The following ALOX5 variants were observed in gnomAD, a reference collection of about 807,000 sequenced individuals.
ALOX5 encodes the protein polyunsaturated fatty acid 5-lipoxygenase.
ALOX5 carries 64 observed loss-of-function variants against 87.9 expected under a neutral mutation model. The observed-to-expected ratio is 0.73, with a 90% CI of 0.60 to 0.90. The LOEUF (loss-of-function observed/expected upper bound fraction) is 0.90. Ranked by LOEUF, ALOX5 falls within the 40% of genes least tolerant of loss-of-function variation. The probability of loss-of-function intolerance (pLI) is 0.00; values close to 1 mark genes in which losing one functional copy is unlikely to be tolerated. For synonymous variants in ALOX5, 388 were observed against 355.1 expected, an observed-to-expected ratio of 1.09 and a Z score of -1.04; for missense variants, 822 against 907.5, an observed-to-expected ratio of 0.91 and a Z score of 1.21.
At chr10:45,445,414 C>A in intron 13 of ALOX5, 94 bp from the exon 14 acceptor site, 1 of 1,459,926 alleles carries the variant, frequency 6.8e-7, no homozygotes, top group Non-Finnish European at 9.3e-7. Flanking sequence ...CCTTCATCTC[C>A]CAAACGGTGG....
intron 4 of ALOX5, among the ~76,000 whole-genome samples, chr10:45,423,005 A>G (rs1841559079): frequency 6.6e-6 from 1 of 152,222 alleles, no homozygotes; most frequent in Non-Finnish European, 1.5e-5. Context: ...TGCTAATCCC[A>G]TCACGGGTAC....
chr10:45,427,008 C>T (rs1049258809), intron 6 of ALOX5, among the ~76,000 whole-genome samples: 2 of 152,224 alleles, frequency 1.3e-5, no homozygotes, highest in Non-Finnish European at 2.9e-5. Flanking sequence ...GAATGGAATA[C>T]ACTGACCTAG....
Position 45,432,360 on chromosome 10 carries a change from TAAAA to T in ALOX5, c.981+3610_981+3613del, listed in dbSNP as rs35877893. 4.0e-4 allele frequency among the ~76,000 whole-genome samples: 53 copies of T among 132,988 alleles called. 1 individual carries two copies. The highest frequency in any genetic ancestry group is 1.1e-4 in the Non-Finnish European group (7 of 61,410). 87.2% of individuals were successfully genotyped at this position (132,988 alleles called of 152,430 possible). A position where few individuals can be genotyped will look rare whatever the true frequency, so the allele number is the denominator to read the frequency against. Reference sequence around the variant, plus strand: ...GGGCAACAGAGTAAGACCCTATCTTTAAAAAAAAAAAAAAAAAGTAAAAGAAAAC... The same window carrying T: ...GGGCAACAGAGTAAGACCCTATCTTTAAAAAAAAAAAAAGTAAAAGAAAAC... On this transcript the variant is annotated intron_variant, in intron 7 of 13. Transcript: ENST00000374391.
intron 7 of ALOX5, among the ~76,000 whole-genome samples, chr10:45,434,391 C>G (rs1021282699): frequency 2.6e-5 from 4 of 152,182 alleles, no homozygotes; most frequent in African/African-American, 9.7e-5. Flanking sequence ...GCAACAGGAG[C>G]ATAGTTTGTG....
At chr10:45,399,431 A>G (rs1050112002) in intron 3 of ALOX5, among the ~76,000 whole-genome samples, 1 of 152,254 alleles carries the variant, frequency 6.6e-6, no homozygotes, top group Non-Finnish European at 1.5e-5. Flanking sequence ...CTTTAAATGG[A>G]TAAATTTTAC....
intron 7 of ALOX5, among the ~76,000 whole-genome samples, chr10:45,440,123 C>T (rs1278525271): frequency 3.9e-5 from 6 of 152,294 alleles, no homozygotes; most frequent in African/African-American, 7.2e-5. Flanking sequence ...TCGGCCTGCC[C>T]GCTCCTTCCA....
chr10:45,387,072 G>A (rs1840033382), intron 2 of ALOX5, among the ~76,000 whole-genome samples: 1 of 152,186 alleles, frequency 6.6e-6, no homozygotes, highest in African/African-American at 2.4e-5. Flanking sequence ...GCGCCGTGTG[G>A]AGGGCTTTCC....
At chr10:45,412,493 G>A (rs1310923527) in intron 4 of ALOX5, among the ~76,000 whole-genome samples, 180 bp downstream of exon 4, 5 of 152,128 alleles carry the variant, frequency 3.3e-5, no homozygotes, top group East Asian at 1.9e-4. Flanking sequence ...CAGGACAACC[G>A]GTATCTTAAA....
At chr10:45,390,565 A>G (rs1840181173) in intron 2 of ALOX5, among the ~76,000 whole-genome samples, 1 of 152,256 alleles carries the variant, frequency 6.6e-6, no homozygotes, top group Non-Finnish European at 1.5e-5. Context: ...CTACATGGAC[A>G]CTGAACAACC....
intron 9 of ALOX5, 107 bp from the exon 10 acceptor site, chr10:45,442,931 C>A: frequency 8.1e-7 from 1 of 1,231,036 alleles, no homozygotes; most frequent in Non-Finnish European, 1.1e-6. Flanking sequence ...GGGCTTGCAC[C>A]TCTGCCTGCC....
intron 3 of ALOX5, among the ~76,000 whole-genome samples, chr10:45,396,277 C>T (rs1328632339): frequency 6.6e-6 from 1 of 152,134 alleles, no homozygotes; most frequent in East Asian, 1.9e-4. Flanking sequence ...AAAAGTGATA[C>T]ATGATCAGCA....
intron 7 of ALOX5, among the ~76,000 whole-genome samples, chr10:45,434,455 G>A (rs964892177): frequency 6.6e-6 from 1 of 152,234 alleles, no homozygotes; most frequent in Non-Finnish European, 1.5e-5. Context: ...GAGTGAGTGA[G>A]CCCTTCCATG....
In ALOX5 at chr10:45,444,184, C is replaced by A; in HGVS notation, c.1743C>A (p.Gly581=). 1 of 1,557,152 alleles carries A rather than the reference C, an allele frequency of 6.4e-7. No individual in the cohort carries two copies. Among genetic ancestry groups the A allele is most frequent in the Non-Finnish European group, 8.7e-7 (1 of 1,150,482 alleles). Residue 581 remains glycine, a synonymous_variant, in exon 13 of 14, where the codon GGC becomes GGA. Coordinates refer to ENST00000374391, the MANE Select transcript of ALOX5 (RefSeq NM_000698.5). ...GAGCCCCGCCACCGACTGCCAAGGGCGTGGTGACCATTGAGCAGATCGTGG... is the reference window on the plus strand; with the variant it reads ...GAGCCCCGCCACCGACTGCCAAGGGAGTGGTGACCATTGAGCAGATCGTGG... ...TMRAPPPTAK[G]VVTIEQIVDT... is the part of the protein sequence containing the mutation.
chr10:45,411,618 G>C lies in ALOX5; in HGVS notation c.432-573G>C, dbSNP rs1344506146. 2.6e-5 allele frequency among the ~76,000 whole-genome samples: 4 copies of C among 152,278 alleles called. No homozygotes were observed. The East Asian group carries it at 7.7e-4, about 29-fold the overall frequency. On this transcript the variant is annotated intron_variant, in intron 3 of 13. Transcript: ENST00000374391. ...GTAATAATCTCTAAAGCTGCTATTG[G>C]CCAGCAGGTGAGAGAGGGAAGCCTT... is the stretch of plus-strand genomic sequence containing the variant.
At chr10:45,424,785 G>A (rs1329912174) in intron 5 of ALOX5, among the ~76,000 whole-genome samples, 175 bp from the exon 6 acceptor site, 1 of 152,204 alleles carries the variant, frequency 6.6e-6, no homozygotes, top group African/African-American at 2.4e-5. Flanking sequence ...ATGAGTTGGT[G>A]CCACAGCCTG....
chr10:45,391,829 A>ATG (rs1840279963), intron 2 of ALOX5, among the ~76,000 whole-genome samples: 3 of 146,642 alleles, frequency 2.0e-5, no homozygotes, highest in Admixed American at 2.0e-4. Flanking sequence ...CAGCCGCCCC[A>ATG]TCTGAGAAGT....
At chr10:45,433,858 C>A (rs1841985199) in intron 7 of ALOX5, among the ~76,000 whole-genome samples, 1 of 152,224 alleles carries the variant, frequency 6.6e-6, no homozygotes, top group Non-Finnish European at 1.5e-5. Flanking sequence ...GTTCAGTCCT[C>A]AGTTCCGTCT....
At chr10:45,382,808 C>T (rs1839888883) in intron 2 of ALOX5, 127 bp downstream of exon 2, 2 of 1,153,034 alleles carry the variant, frequency 1.7e-6, no homozygotes, top group Non-Finnish European at 2.4e-6. Flanking sequence ...AGGGCTCTGC[C>T]CTGTGCCTCG....
Position 45,440,579 on chromosome 10 carries a change from G to A in ALOX5, c.1131G>A (p.Glu377=). 1.9e-6 allele frequency: 3 copies of A among 1,614,194 alleles called. No individual in the cohort carries two copies. The highest frequency in any genetic ancestry group is 1.6e-4 in the Middle Eastern group (1 of 6,062). Residue 377 remains glutamate, a synonymous_variant, in exon 8 of 14, where the codon GAG becomes GAA. Transcript: ENST00000374391. ...THLLRTHLVS[E]VFGIAMYRQL... ...TTCTGCGAACACATCTGGTGTCTGA[G>A]GTTTTTGGCATTGCAATGTACCGCC...
Sources: gnomAD v4.1 joint callset for allele counts (sites outside exome capture counted in the v4.1 genomes callset) on GRCh38, gnomAD v4.1.1 for gene constraint, MANE v1.5 for transcripts, NCBI Gene and HGNC (gene_info 2026-07-23, HGNC 2026-07-21) for gene names.